The following PARD3B variants were observed in gnomAD, a reference collection of about 807,000 sequenced individuals.
PARD3B encodes par-3 family cell polarity regulator beta.
PARD3B carries 103 observed loss-of-function variants against 130.2 expected under a neutral mutation model. The observed-to-expected ratio is 0.79, with a 90% CI of 0.67 to 0.93. PARD3B has a LOEUF of 0.93. PARD3B is among the 40% of genes least tolerant of loss of function. The pLI is 0.00. For synonymous variants in PARD3B, 583 were observed against 553.2 expected (o/e 1.05, Z -0.76); for missense variants, 1,609 against 1,499.2 (o/e 1.07, Z -1.21).
chr2:205,498,922 G>C (rs774767608), intron 20 of PARD3B, among the ~76,000 whole-genome samples: 1 of 152,182 alleles, frequency 6.6e-6, no homozygotes, highest in African/African-American at 2.4e-5. Context: ...ATGGACTGTA[G>C]TCTTCTGTAT....
chr2:205,408,398 G>T (rs2046482016), intron 19 of PARD3B, among the ~76,000 whole-genome samples: 1 of 152,084 alleles, frequency 6.6e-6, no homozygotes, highest in Non-Finnish European at 1.5e-5. Context: ...TAATTATGGA[G>T]GATTTTTATG....
At chr2:205,413,650 C>A (rs1473478863) in intron 19 of PARD3B, among the ~76,000 whole-genome samples, 1 of 152,116 alleles carries the variant, frequency 6.6e-6, no homozygotes, top group Non-Finnish European at 1.5e-5. Flanking sequence ...TTGTAACTGG[C>A]AGTAGGACAG....
chr2:204,697,669 C>G (rs568752469), intron 2 of PARD3B, among the ~76,000 whole-genome samples: 3 of 152,080 alleles, frequency 2.0e-5, no homozygotes, highest in Non-Finnish European at 4.4e-5. Context: ...CTACATAGTC[C>G]GTTGTGATAC....
intron 2 of PARD3B, among the ~76,000 whole-genome samples, chr2:204,952,055 T>C (rs1689820061): frequency 6.6e-6 from 1 of 152,028 alleles, no homozygotes; most frequent in African/African-American, 2.4e-5. Flanking sequence ...TTCTGGGGAA[T>C]AAAAAAAGTA....
intron 1 of PARD3B, among the ~76,000 whole-genome samples, chr2:204,564,319 G>A (rs1439791173): frequency 1.3e-5 from 2 of 152,184 alleles, no homozygotes; most frequent in African/African-American, 4.8e-5. Context: ...GCCTGCAGTA[G>A]GCTGGAATGG....
At chr2:205,556,105 G>A (rs560857424) in intron 22 of PARD3B, among the ~76,000 whole-genome samples, 1 of 152,258 alleles carries the variant, frequency 6.6e-6, no homozygotes, top group Non-Finnish European at 1.5e-5. Flanking sequence ...AGGAGAGTGA[G>A]GCGAGCACAT....
chr2:205,479,564 T>A (rs1348202300), intron 20 of PARD3B, among the ~76,000 whole-genome samples: 2 of 152,214 alleles, frequency 1.3e-5, no homozygotes, highest in Non-Finnish European at 2.9e-5. Flanking sequence ...TGGAATAGCC[T>A]GTGCTTAGGA....
chr2:205,448,611 G>T (rs2047989069), intron 20 of PARD3B, among the ~76,000 whole-genome samples: 1 of 152,052 alleles, frequency 6.6e-6, no homozygotes, highest in South Asian at 2.1e-4. Context: ...TTATTCCCTA[G>T]ATTTTACCAG....
intron 3 of PARD3B, among the ~76,000 whole-genome samples, chr2:204,996,259 G>A (rs1407579418): frequency 4.0e-5 from 6 of 148,248 alleles, no homozygotes; most frequent in African/African-American, 1.0e-4. Flanking sequence ...ATGGGTTTTC[G>A]GTGTGGATGT....
intron 21 of PARD3B, among the ~76,000 whole-genome samples, chr2:205,538,904 T>C (rs2051993118): frequency 6.6e-6 from 1 of 152,248 alleles, no homozygotes; most frequent in African/African-American, 2.4e-5. Context: ...ATGTGATTTA[T>C]ATGCATCATA....
chr2:205,255,124 C>T (rs2040023456), intron 16 of PARD3B, among the ~76,000 whole-genome samples: 2 of 151,958 alleles, frequency 1.3e-5, no homozygotes, highest in South Asian at 2.1e-4. Context: ...TTTTATGCCT[C>T]GGAGCCCCAG....
chr2:205,254,628 G>T (rs1404643322), intron 16 of PARD3B, among the ~76,000 whole-genome samples: 1 of 151,684 alleles, frequency 6.6e-6, no homozygotes, highest in Non-Finnish European at 1.5e-5. Context: ...CTACATTGAG[G>T]CTCCAGTAAT....
intron 15 of PARD3B, among the ~76,000 whole-genome samples, chr2:205,214,972 C>G (rs888436886): frequency 1.3e-5 from 2 of 152,042 alleles, no homozygotes; most frequent in Admixed American, 1.3e-4. Flanking sequence ...GCGGCTCAGT[C>G]TAATTGTCCA....
At chr2:205,166,592 T>C (rs567321720) in intron 11 of PARD3B, among the ~76,000 whole-genome samples, 107 of 152,308 alleles carry the variant, frequency 7.0e-4, no homozygotes, top group Non-Finnish European at 1.2e-3. Flanking sequence ...TGTTTTTAAA[T>C]GAAGGTAAAT....
At position 205,440,722 on chromosome 2, in the gene PARD3B, A is replaced by G. The variant is rs116329119; in HGVS notation, c.3044+50A>G. 1.7e-5 allele frequency: 26 copies of G among 1,531,086 alleles called. No homozygotes were observed. The African/African-American group carries it at 3.6e-4, about 21-fold the overall frequency. 94.8% of individuals were successfully genotyped at this position (1,531,086 alleles called of 1,614,324 possible). On this transcript the variant is annotated intron_variant, in intron 20 of 22. Transcript: ENST00000406610. The surrounding 1 kb of genome is among the most constrained non-coding windows in gnomAD (Gnocchi z 4.2). ...TGTAGCTTTAATTCAGTATGTTTCAAATCATCTCTACTGCTGAAACCGATA... is the reference window on the plus strand; with the variant it reads ...TGTAGCTTTAATTCAGTATGTTTCAGATCATCTCTACTGCTGAAACCGATA...
At chr2:204,815,096 A>G (rs1464182740) in intron 2 of PARD3B, among the ~76,000 whole-genome samples, 2 of 151,872 alleles carry the variant, frequency 1.3e-5, no homozygotes, top group African/African-American at 4.8e-5. Context: ...TTATTTTCTC[A>G]TATACTTTTC....
At chr2:205,285,961 A>G (rs991582564) in intron 16 of PARD3B, among the ~76,000 whole-genome samples, 4 of 152,178 alleles carry the variant, frequency 2.6e-5, no homozygotes, top group African/African-American at 9.7e-5. Context: ...GTGTATATAG[A>G]GTACACTGCA....
At chr2:205,202,367 C>CT (rs1410640637) in intron 15 of PARD3B, among the ~76,000 whole-genome samples, 1 of 152,208 alleles carries the variant, frequency 6.6e-6, no homozygotes, top group Non-Finnish European at 1.5e-5. Flanking sequence ...CTGTAAGTCT[C>CT]TATCTATCCT....
chr2:205,303,900 ACT>A (rs903786056), intron 18 of PARD3B, among the ~76,000 whole-genome samples: 2 of 151,982 alleles, frequency 1.3e-5, no homozygotes, highest in African/African-American at 4.8e-5. Context: ...TACTGTCTTT[ACT>A]CCTATAATTT....
Sources: gnomAD v4.1 joint callset for allele counts (sites outside exome capture counted in the v4.1 genomes callset) on GRCh38, gnomAD v4.1.1 for gene constraint, Gnocchi (gnomAD v3.1) non-coding constraint, MANE v1.5 for transcripts, NCBI Gene and HGNC (gene_info 2026-07-23, HGNC 2026-07-21) for gene names.